Variants in TRIM9 observed in about 807,000 individuals in gnomAD.
The protein encoded by TRIM9 is tripartite motif containing 9, also known as E3 ubiquitin-protein ligase TRIM9.
A neutral mutation model predicts 78.3 loss-of-function variants in TRIM9; 26 were observed. That is an observed-to-expected ratio of 0.33 (90% confidence interval 0.24 to 0.46). The LOEUF is 0.46. Among genes scored for constraint, TRIM9 ranks in the 20% least tolerant of loss-of-function variants. The pLI is 1.00. For missense variants in TRIM9, 787 were observed against 1,036.4 expected (o/e 0.76, Z 3.30); for synonymous variants, 398 against 416.5 (o/e 0.96, Z 0.54).
chr14:50,991,747 T>A (rs556754132), intron 7 of TRIM9, among the ~76,000 whole-genome samples: 211 of 152,308 alleles, frequency 1.4e-3, no homozygotes, highest in African/African-American at 4.6e-3. Context: ...AAGGTACTAA[T>A]TGTAAAGACT....
intron 1 of TRIM9, among the ~76,000 whole-genome samples, chr14:51,087,401 T>C (rs2063863188): frequency 6.6e-6 from 1 of 152,196 alleles, no homozygotes; most frequent in South Asian, 2.1e-4. Context: ...CTGACACAGA[T>C]GCAGTTAGAA....
intron 1 of TRIM9, among the ~76,000 whole-genome samples, chr14:51,085,962 C>A (rs1444723641): frequency 6.6e-6 from 1 of 152,140 alleles, no homozygotes; most frequent in Non-Finnish European, 1.5e-5. Context: ...GCCTATACCT[C>A]CGATGATCTG....
chr14:51,000,545 A>T, intron 6 of TRIM9, 138 bp downstream of exon 6: 2 of 1,134,918 alleles, frequency 1.8e-6, no homozygotes, highest in Non-Finnish European at 2.5e-6. Context: ...AGCAGGCTTC[A>T]GGTGAAGGGC....
chr14:51,030,516 A>T (rs983470558), intron 1 of TRIM9, among the ~76,000 whole-genome samples: 1 of 152,172 alleles, frequency 6.6e-6, no homozygotes, highest in Non-Finnish European at 1.5e-5. Context: ...GCAAAAGAGT[A>T]GCTGGGCCTG....
intron 5 of TRIM9, among the ~76,000 whole-genome samples, chr14:51,006,869 T>C (rs1045625542): frequency 1.3e-5 from 2 of 152,190 alleles, no homozygotes; most frequent in Non-Finnish European, 2.9e-5. Flanking sequence ...CTCTTACTTT[T>C]GTGCGCAGTC....
chr14:51,047,543 G>C (rs1312291541), intron 1 of TRIM9, among the ~76,000 whole-genome samples: 2 of 152,194 alleles, frequency 1.3e-5, no homozygotes, highest in East Asian at 3.8e-4. Flanking sequence ...TCTGCAGCAA[G>C]TTATTTGACT....
intron 1 of TRIM9, among the ~76,000 whole-genome samples, chr14:51,031,147 C>CAAAAAAAAAAAAAAAAAAAAAAAAAAA (rs1210514761): frequency 2.0e-5 from 2 of 100,746 alleles, no homozygotes; most frequent in Non-Finnish European, 3.8e-5. Context: ...AAACTCTTTC[C>CAAAAAAAAAAAAAAAAAAAAAAAAAAA]AAAAAAAAAA....
chr14:51,043,007 G>C (rs1390681169), intron 1 of TRIM9, among the ~76,000 whole-genome samples: 1 of 152,152 alleles, frequency 6.6e-6, no homozygotes, highest in East Asian at 1.9e-4. Flanking sequence ...GGTTAATAAT[G>C]TTAATAGCAT....
chr14:51,073,173 T>G (rs1304916222), intron 1 of TRIM9, among the ~76,000 whole-genome samples: 1 of 152,198 alleles, frequency 6.6e-6, no homozygotes, highest in African/African-American at 2.4e-5. Flanking sequence ...TAATAGCAAG[T>G]GCTGGTGAGA....
intron 1 of TRIM9, among the ~76,000 whole-genome samples, chr14:51,039,700 G>A (rs2139964520): frequency 6.6e-6 from 1 of 151,950 alleles, no homozygotes; most frequent in East Asian, 1.9e-4. Context: ...TTAAGTTTAT[G>A]TAACTGCAAA....
At chr14:51,012,481 A>C (rs1255910406) in intron 3 of TRIM9, among the ~76,000 whole-genome samples, 1 of 152,220 alleles carries the variant, frequency 6.6e-6, no homozygotes, top group Non-Finnish European at 1.5e-5. Context: ...CCATTGATGA[A>C]TACTTTTGGC....
intron 5 of TRIM9, among the ~76,000 whole-genome samples, chr14:51,004,386 C>T (rs568645510): frequency 2.5e-4 from 38 of 152,262 alleles, no homozygotes; most frequent in Admixed American, 1.5e-3. Context: ...AAATGTCTTC[C>T]CTTTTTAAGG....
chr14:50,997,548 T>C, intron 7 of TRIM9: 1 of 990,074 alleles, frequency 1.0e-6, no homozygotes, highest in Non-Finnish European at 1.2e-6. Flanking sequence ...AGGCCCTCTC[T>C]AAACAGCTCT....
Position 51,049,006 on chromosome 14 carries a change from T to G in TRIM9, c.823-23646A>C, listed in dbSNP as rs974174751. On this transcript the variant is annotated intron_variant, in intron 1 of 12. Transcript: ENST00000684578. The stretch of plus-strand genomic sequence containing the variant: ...CTCAAAAAAAAAAAAAAAGGAAACA[T>G]CCCATCTTGGCCTTATCATTTACAT... Among the ~76,000 whole-genome samples the G allele has an allele frequency of 8.0e-5, 12 of 150,006 alleles. No homozygotes were observed. In the East Asian group the frequency reaches 2.4e-3, roughly 29 times the overall value.
chr14:51,005,794 C>A (rs981102505), intron 5 of TRIM9, among the ~76,000 whole-genome samples: 1 of 152,076 alleles, frequency 6.6e-6, no homozygotes, highest in Non-Finnish European at 1.5e-5. Flanking sequence ...CAAAATACAA[C>A]CAGAAAACGT....
In TRIM9 at chr14:51,012,373, T is replaced by C. The variant is rs917606077; in HGVS notation, c.1042-1879A>G. 2.0e-5 allele frequency among the ~76,000 whole-genome samples: 3 copies of C among 152,366 alleles called. No individual in the cohort carries two copies. In the East Asian group the frequency reaches 5.8e-4, roughly 29 times the overall value. ...GGCTTATTTCACTTAGCATAATGTC[T>C]TTGAGATTCAACCATGTTGTAGCAT... On this transcript the variant is annotated intron_variant, in intron 3 of 12. Coordinates refer to ENST00000684578, the MANE Select transcript of TRIM9 (RefSeq NM_001387360.1).
intron 3 of TRIM9, 26 bp from the exon 4 acceptor site, chr14:51,010,520 A>G (rs750348279): frequency 6.4e-7 from 1 of 1,562,088 alleles, no homozygotes; most frequent in Admixed American, 1.7e-5. Context: ...AAACAACAGA[A>G]CAGTCCAAGA....
At position 51,041,831 on chromosome 14, in the gene TRIM9, CAT is replaced by C. The variant is rs2059600992; in HGVS notation, c.823-16473_823-16472del. Among the ~76,000 whole-genome samples the C allele has an allele frequency of 1.3e-5, 2 of 152,138 alleles. 1 individual carries two copies. The highest frequency in any genetic ancestry group is 4.1e-4 in the South Asian group (2 of 4,826). ...AGTGTTTCAAATAATGTTTAATAAACATGTTTTCCCAATAACATTTATATAAA... is the reference window on the plus strand; with the variant it reads ...AGTGTTTCAAATAATGTTTAATAAACGTTTTCCCAATAACATTTATATAAA... On this transcript the variant is annotated intron_variant, in intron 1 of 12. Transcript: ENST00000684578.
intron 3 of TRIM9, among the ~76,000 whole-genome samples, chr14:51,018,654 A>G (rs1232202496): frequency 6.6e-6 from 1 of 152,206 alleles, no homozygotes; most frequent in Non-Finnish European, 1.5e-5. Flanking sequence ...GATAGCTACA[A>G]TGGGCACACG....
Sources: allele counts gnomAD v4.1 joint callset (sites outside exome capture counted in the v4.1 genomes callset), GRCh38; gene constraint gnomAD v4.1.1; transcripts MANE v1.5; gene names NCBI Gene and HGNC (gene_info 2026-07-23, HGNC 2026-07-21).